HTR3C: variants seen among roughly 807,000 people sequenced by gnomAD.
The protein encoded by HTR3C is 5-HT3-C.
HTR3C carries 32 observed loss-of-function variants against 40.5 expected under a neutral mutation model. The ratio of observed to expected loss-of-function variants is 0.79; its 90% CI spans 0.60 to 1.06. HTR3C has a LOEUF of 1.06. Ranked by LOEUF, HTR3C falls within the 50% of genes least tolerant of loss-of-function variation. The pLI, the probability that HTR3C is intolerant of heterozygous loss-of-function variation, is 0.00. For synonymous variants in HTR3C, 209 were observed against 217.1 expected, an observed-to-expected ratio of 0.96 and a Z score of 0.33; for missense variants, 523 against 556.8, an observed-to-expected ratio of 0.94 and a Z score of 0.61.
In HTR3C at chr3:184,056,880, A is replaced by T; in HGVS notation, c.395A>T (p.Asp132Val). ...TCCCTCCCTTCCCCAAACAGCATGGATGTGGATCAGACGCCTTCCGGTCTC... is the reference window on the plus strand; with the variant it reads ...TCCCTCCCTTCCCCAAACAGCATGGTTGTGGATCAGACGCCTTCCGGTCTC... ...LPDIFIVESM[D>V]VDQTPSGLTA... The change falls in exon 5 of 9, where the codon GAT becomes GTT. Residue 132 changes from aspartate (D) to valine (V), a missense_variant. Physicochemically the swap from Asp to Val is radical, Grantham distance 152 (BLOSUM62 -3). Coordinates refer to ENST00000318351, the MANE Select transcript of HTR3C (RefSeq NM_130770.3). 6 of 1,605,478 alleles carry T rather than the reference A, an allele frequency of 3.7e-6. No individual in the cohort carries two copies. Among genetic ancestry groups the T allele is most frequent in the Non-Finnish European group, 5.1e-6 (6 of 1,174,252 alleles).
At chr3:184,056,082 G>C in intron 3 of HTR3C, 95 bp from the exon 4 acceptor site, 1 of 764,190 alleles carries the variant, frequency 1.3e-6, no homozygotes, top group South Asian at 1.5e-5. Flanking sequence ...ATGGGAGTGG[G>C]AGGATCAAGG....
chr3:184,058,545 G>A lies in HTR3C; in HGVS notation c.678G>A (p.Lys226=). ...ELLGINKATP[K]MSMGNNLYDQ... ...TGGGCATCAACAAGGCCACCCCAAA[G>A]ATGTCCATGGGCAACAACCTATATG... is the stretch of plus-strand genomic sequence containing the variant. Residue 226 remains lysine, a synonymous_variant, in exon 6 of 9, where the codon AAG becomes AAA. Coordinates refer to ENST00000318351, the MANE Select transcript of HTR3C (RefSeq NM_130770.3). The A allele has an allele frequency of 6.2e-7, 1 of 1,613,528 alleles. No individual in the cohort carries two copies. Among genetic ancestry groups the A allele is most frequent in the South Asian group, 1.1e-5 (1 of 90,936 alleles).
intron 1 of HTR3C, among the ~76,000 whole-genome samples, chr3:184,054,155 T>C (rs573388865): frequency 6.6e-6 from 1 of 152,266 alleles, no homozygotes; most frequent in African/African-American, 2.4e-5. Context: ...GGTCACTAAA[T>C]CTGAGAAGAG....
chr3:184,054,955 C>T (rs1723293226), intron 2 of HTR3C, 68 bp downstream of exon 2: 1 of 1,460,628 alleles, frequency 6.8e-7, no homozygotes, highest in Non-Finnish European at 9.3e-7. Flanking sequence ...GCCCTGTCAA[C>T]CCAACATGGC....
In HTR3C at chr3:184,056,890, G is replaced by T; in HGVS notation, c.405G>T (p.Gln135His). Residue 135 changes from glutamine (Q) to histidine (H), a missense_variant, in exon 5 of 9, where the codon CAG (glutamine) becomes CAT (histidine). Gln to His is a conservative substitution (Grantham distance 24). Transcript: ENST00000318351. ...IFIVESMDVD[Q>H]TPSGLTAYIS... is the part of the protein sequence containing the mutation. ...CCCCAAACAGCATGGATGTGGATCA[G>T]ACGCCTTCCGGTCTCACTGCCTATA... 1 of 1,608,758 alleles carries T rather than the reference G, an allele frequency of 6.2e-7. No homozygotes were observed. Among genetic ancestry groups the T allele is most frequent in the Admixed American group, 1.7e-5 (1 of 59,902 alleles).
intron 3 of HTR3C, among the ~76,000 whole-genome samples, chr3:184,055,884 C>CA (rs71185686): frequency 0.12 from 3,584 of 30,630 alleles, 1,118 homozygotes; most frequent in African/African-American, 0.3. Flanking sequence ...AATAGCAACT[C>CA]AAAAAAAAAA....
chr3:184,057,474 C>T (rs1461378162), intron 5 of HTR3C, among the ~76,000 whole-genome samples: 2 of 151,954 alleles, frequency 1.3e-5, no homozygotes, highest in African/African-American at 2.4e-5. Flanking sequence ...GTGGCTCACG[C>T]CTGTAATCCC....
chr3:184,056,215 G>C lies in HTR3C; in HGVS notation c.318G>C (p.Glu106Asp). Residue 106 changes from glutamate (E) to aspartate (D), a missense_variant, in exon 4 of 9, where the codon GAG becomes GAC. By Grantham distance (45) the Glu-to-Asp change is conservative. Coordinates refer to ENST00000318351, the MANE Select transcript of HTR3C (RefSeq NM_130770.3). ...CTTTCATTAATTGGAACCCAAAAGA[G>C]TGTGTTGGCATCAATAAACTCACAG... ...DNPFINWNPK[E>D]CVGINKLTVL... 1.2e-6 allele frequency: 2 copies of C among 1,614,002 alleles called. No individual in the cohort carries two copies. The highest frequency in any genetic ancestry group is 8.5e-7 in the Non-Finnish European group (1 of 1,179,862).
At chr3:184,057,084 G>A (rs77490418) in intron 5 of HTR3C, 40 bp downstream of exon 5, 5 of 1,489,458 alleles carry the variant, frequency 3.4e-6, no homozygotes, top group African/African-American at 1.4e-5. Context: ...AAGATTCAGG[G>A]AAGACATTTG....
intron 5 of HTR3C, 152 bp downstream of exon 5, chr3:184,057,196 G>GTGAACCACT: frequency 1.8e-6 from 1 of 562,572 alleles, no homozygotes; most frequent in Non-Finnish European, 3.1e-6. Flanking sequence ...CAGGCACAGT[G>GTGAACCACT]GTTCACACTG....
At chr3:184,054,027 A>G (rs1426805718) in intron 1 of HTR3C, among the ~76,000 whole-genome samples, 1 of 151,662 alleles carries the variant, frequency 6.6e-6, no homozygotes, top group Non-Finnish European at 1.5e-5. Context: ...TGCTGGGATT[A>G]CAGGCGTGAG....
chr3:184,060,167 G>C lies in HTR3C; in HGVS notation c.1159G>C (p.Glu387Gln). Residue 387 changes from glutamate (E) to glutamine (Q), a missense_variant, in exon 9 of 9, where the codon GAG (glutamate) becomes CAG (glutamine). Coordinates refer to ENST00000318351, the MANE Select transcript of HTR3C (RefSeq NM_130770.3). ...THLPGPKEPG[E>Q]LAGKKLGPRE... ...CTCCACAGGCCCAAAGGAGCCGGGG[G>C]AGTTAGCAGGGAAGAAGCTGGGACC... 6.2e-7 allele frequency: 1 copy of C among 1,614,108 alleles called. No individual in the cohort carries two copies.
intron 5 of HTR3C, 107 bp from the exon 6 acceptor site, chr3:184,058,320 A>G: frequency 8.6e-7 from 1 of 1,161,940 alleles, no homozygotes. Context: ...TTGCTTTAAA[A>G]GGATAGAGGA....
At chr3:184,055,167 A>G (rs545702839) in intron 2 of HTR3C, 145 bp from the exon 3 acceptor site, 1 of 676,144 alleles carries the variant, frequency 1.5e-6, no homozygotes, top group South Asian at 1.8e-5. Flanking sequence ...GCCCATAGAC[A>G]CAGGGGAAAC....
In HTR3C at chr3:184,060,166, G is replaced by A. The variant is rs1204818734; in HGVS notation, c.1158G>A (p.Gly386=). The change falls in exon 9 of 9, where the codon GGG becomes GGA. Residue 386 remains glycine (G), a synonymous_variant. Transcript: ENST00000318351. ...LTHLPGPKEP[G]ELAGKKLGPR... is the part of the protein sequence containing the mutation. ...TCTCCACAGGCCCAAAGGAGCCGGG[G>A]GAGTTAGCAGGGAAGAAGCTGGGAC... 6.2e-7 allele frequency: 1 copy of A among 1,614,094 alleles called. No homozygotes were observed. The highest frequency in any genetic ancestry group is 2.2e-5 in the East Asian group (1 of 44,874).
chr3:184,054,615 G>A, intron 1 of HTR3C, 106 bp from the exon 2 acceptor site: 1 of 971,748 alleles, frequency 1.0e-6, no homozygotes, highest in Non-Finnish European at 1.4e-6. Flanking sequence ...ATGGGAAGGA[G>A]GGGCTCACCT....
chr3:184,060,173 G>C lies in HTR3C; in HGVS notation c.1165G>C (p.Ala389Pro), dbSNP rs917946848. Residue 389 changes from alanine to proline, a missense_variant, in exon 9 of 9, where the codon GCA becomes CCA. Coordinates refer to ENST00000318351, the MANE Select transcript of HTR3C (RefSeq NM_130770.3). ...LPGPKEPGELAGKKLGPRETE... is the reference protein window; with the variant it reads ...LPGPKEPGELPGKKLGPRETE... ...AGGCCCAAAGGAGCCGGGGGAGTTA[G>C]CAGGGAAGAAGCTGGGACCCAGAGA... is the stretch of plus-strand genomic sequence containing the variant. 6.2e-7 allele frequency: 1 copy of C among 1,614,122 alleles called. No individual in the cohort carries two copies. Among genetic ancestry groups the C allele is most frequent in the Non-Finnish European group, 8.5e-7 (1 of 1,180,004 alleles).
chr3:184,054,657 T>C, intron 1 of HTR3C, 64 bp from the exon 2 acceptor site: 1 of 1,397,716 alleles, frequency 7.2e-7, no homozygotes, highest in Admixed American at 2.4e-5. Context: ...ATTTTATCTC[T>C]CTGCAGAGAG....
chr3:184,054,498 A>G (rs1343984341), intron 1 of HTR3C, among the ~76,000 whole-genome samples: 1 of 152,178 alleles, frequency 6.6e-6, no homozygotes, highest in Admixed American at 6.5e-5. Flanking sequence ...AGGATGAAGC[A>G]ATGGGAATGA....
Sources: gnomAD v4.1 joint callset for allele counts (sites outside exome capture counted in the v4.1 genomes callset) on GRCh38, gnomAD v4.1.1 for gene constraint, MANE v1.5 for transcripts, NCBI Gene and HGNC (gene_info 2026-07-23, HGNC 2026-07-21) for gene names.